The following PLCH2 variants were observed in gnomAD, a reference collection of about 807,000 sequenced individuals.
The protein encoded by PLCH2 is 1-phosphatidylinositol 4,5-bisphosphate phosphodiesterase eta-2.
Under a neutral mutation model 134.7 loss-of-function variants are expected in PLCH2, and 98 were observed. The ratio of observed to expected loss-of-function variants is 0.73; its 90% CI spans 0.62 to 0.86. The LOEUF is 0.86. Ranked by LOEUF, PLCH2 falls within the 40% of genes least tolerant of loss-of-function variation. PLCH2 has a pLI of 0.00. For missense variants in PLCH2, 1,994 were observed against 1,986.6 expected (o/e 1.00, Z -0.07); for synonymous variants, 974 against 827.5 (o/e 1.18, Z -3.04).
intron 10 of PLCH2, among the ~76,000 whole-genome samples, chr1:2,490,392 C>T (rs965282731): frequency 9.2e-5 from 14 of 152,314 alleles, no homozygotes; most frequent in Middle Eastern, 6.8e-3. Context: ...CAGCAGTCAC[C>T]TCCACAGAGC....
chr1:2,483,829 T>G (rs1642118913), intron 4 of PLCH2, among the ~76,000 whole-genome samples: 2 of 108,124 alleles, frequency 1.8e-5, no homozygotes, highest in East Asian at 3.6e-4. Flanking sequence ...CTGACCCCCG[T>G]GTGGGGGTGG....
In PLCH2 at chr1:2,504,059, T is replaced by G. The variant is rs1264485054; in HGVS notation, c.3097T>G (p.Tyr1033Asp). ...PTSSSQGRPP[Y>D]PTGPGANVAS... is the part of the protein sequence containing the mutation. Reference sequence around the variant, plus strand: ...CAGCTCTTCTCAGGGACGGCCCCCATACCCCACAGGACCCGGAGCCAATGT... The same window carrying G: ...CAGCTCTTCTCAGGGACGGCCCCCAGACCCCACAGGACCCGGAGCCAATGT... Residue 1033 changes from tyrosine (Y) to aspartate (D), a missense_variant, in exon 22 of 22, where the codon TAC becomes GAC. By Grantham distance (160) the Tyr-to-Asp change is radical. Transcript: ENST00000378486. 1 of 1,548,326 alleles carries G rather than the reference T, an allele frequency of 6.5e-7. No individual in the cohort carries two copies. The highest frequency in any genetic ancestry group is 1.4e-5 in the African/African-American group (1 of 72,800).
At chr1:2,468,500 C>T (rs767845195) in intron 1 of PLCH2, among the ~76,000 whole-genome samples, 2 of 98,382 alleles carry the variant, frequency 2.0e-5, no homozygotes, top group South Asian at 3.0e-4. Context: ...CCAAACACAG[C>T]GCTAGCTCTG....
chr1:2,433,861 G>C (rs1348374568), intron 2 of PLCH2, among the ~76,000 whole-genome samples: 2 of 152,226 alleles, frequency 1.3e-5, no homozygotes, highest in East Asian at 1.9e-4. Context: ...CTCCCTCCAC[G>C]GATGTGCCCA....
At position 2,441,556 on chromosome 1, in the gene PLCH2, C is replaced by T. The variant is rs140305980; in HGVS notation, c.115+10927C>T. Among the ~76,000 whole-genome samples, 9 of 152,346 alleles carry T rather than the reference C, an allele frequency of 5.9e-5. No homozygotes were observed. The East Asian group carries it at 1.7e-3, about 29-fold the overall frequency. ...CTGAGTCCACTCTCACTTTGGGATCCCAGACCAGCTGATGCTGTCACGGTG... is the reference window on the plus strand; with the variant it reads ...CTGAGTCCACTCTCACTTTGGGATCTCAGACCAGCTGATGCTGTCACGGTG... On this transcript the variant is annotated intron_variant, in intron 2 of 3. Coordinates refer to the PLCH2 transcript ENST00000609981.
At position 2,479,535 on chromosome 1, in the gene PLCH2, A is replaced by T. The variant is rs987086351; in HGVS notation, c.272-199A>T. 5.3e-6 allele frequency: 3 copies of T among 562,970 alleles called. No homozygotes were observed. In the Admixed American group the frequency reaches 9.3e-5, roughly 17 times the overall value. 34.9% of individuals were successfully genotyped at this position (562,970 alleles called of 1,614,324 possible). ...ACAGGAAAGGGAAAGGGGGAGGGAC[A>T]CGGGTCAGCAGTGGGGGGCTGTGCA... On this transcript the variant is annotated intron_variant, in intron 2 of 21. Coordinates refer to ENST00000378486, the MANE Select transcript of PLCH2 (RefSeq NM_014638.4).
chr1:2,480,866 ACT>A (rs959706835), intron 4 of PLCH2, among the ~76,000 whole-genome samples: 1 of 151,990 alleles, frequency 6.6e-6, no homozygotes, highest in African/African-American at 2.4e-5. Context: ...GGGGAGAGAA[ACT>A]CTGCCCGTCA....
rs79733537 is a variant in PLCH2, at chr1:2,476,671, G to C, written c.83G>C (p.Gly28Ala). ...GCGGAGGTACTCCTCTGGGTTGGAG[G>C]GAGTGTGGTGCTGTCTTCAGAGTGG... ...WLAEVLLWVG[G>A]SVVLSSEWQL... The change falls in exon 1 of 22, where the codon GGG becomes GCG. Residue 28 changes from glycine (G) to alanine (A), a missense_variant. By Grantham distance (60) the Gly-to-Ala change is moderately conservative. Transcript: ENST00000378486. The C allele has an allele frequency of 2.3e-3, 3,662 of 1,610,838 alleles. 147 individuals carry two copies. The East Asian group carries it at 0.075, about 33-fold the overall frequency.
chr1:2,504,091 C>G lies in PLCH2; in HGVS notation c.3129C>G (p.Ser1043Arg). ...CAGGACCCGGAGCCAATGTGGCAAGCCCCCTAGAGGACACTGAGGAGCCCC... is the reference window on the plus strand; with the variant it reads ...CAGGACCCGGAGCCAATGTGGCAAGGCCCCTAGAGGACACTGAGGAGCCCC... ...YPTGPGANVASPLEDTEEPRD... is the reference protein window; with the variant it reads ...YPTGPGANVARPLEDTEEPRD... The change falls in exon 22 of 22, where the codon AGC (serine) becomes AGG (arginine). Residue 1043 changes from serine to arginine, a missense_variant. Physicochemically the swap from Ser to Arg is moderately radical, Grantham distance 110. Coordinates refer to ENST00000378486, the MANE Select transcript of PLCH2 (RefSeq NM_014638.4). 1 of 1,544,010 alleles carries G rather than the reference C, an allele frequency of 6.5e-7. No individual in the cohort carries two copies. Among genetic ancestry groups the G allele is most frequent in the Non-Finnish European group, 8.7e-7 (1 of 1,145,120 alleles).
chr1:2,497,647 G>T lies in PLCH2; in HGVS notation c.2224+38G>T, dbSNP rs766350963. 3.7e-6 allele frequency: 5 copies of T among 1,334,264 alleles called. No individual in the cohort carries two copies. In the South Asian group the frequency reaches 6.4e-5, roughly 17 times the overall value. 82.7% of individuals were successfully genotyped at this position (1,334,264 alleles called of 1,614,324 possible). A position where few individuals can be genotyped will look rare whatever the true frequency, so the allele number is the denominator to read the frequency against. On this transcript the variant is annotated intron_variant, in intron 16 of 21. Transcript: ENST00000378486. ...GACACTCAGGGCTCGGACGCTCAGG[G>T]CTCGGATGGGCCTCCTGGGTGTCCC...
At chr1:2,499,036 G>A (rs575880372) in intron 18 of PLCH2, 48 bp from the exon 19 acceptor site, 1 of 1,580,216 alleles carries the variant, frequency 6.3e-7, no homozygotes, top group South Asian at 1.2e-5. Context: ...GAGCGGTGCT[G>A]GGCCGGGCCC....
At chr1:2,494,463 G>A (rs571470917) in intron 11 of PLCH2, 51 of 319,342 alleles carry the variant, frequency 1.6e-4, no homozygotes, top group Non-Finnish European at 1.9e-4. Flanking sequence ...AAAGGGTTGC[G>A]CAAGCAGGCC....
At chr1:2,464,282 T>C (rs1304083326), upstream of PLCH2, among the ~76,000 whole-genome samples, 1 of 152,214 alleles carries the variant, frequency 6.6e-6, no homozygotes, top group Non-Finnish European at 1.5e-5. Context: ...GTCTTCCCGA[T>C]GTGCATCTCC....
In PLCH2 at chr1:2,476,469, C is replaced by T; in HGVS notation, c.-120C>T. 1.1e-6 allele frequency: 1 copy of T among 951,518 alleles called. No individual in the cohort carries two copies. The highest frequency in any genetic ancestry group is 1.5e-6 in the Non-Finnish European group (1 of 665,712). 58.9% of individuals were successfully genotyped at this position (951,518 alleles called of 1,614,324 possible). On this transcript the variant is annotated 5_prime_UTR_variant, in exon 1 of 22. Coordinates refer to ENST00000378486, the MANE Select transcript of PLCH2 (RefSeq NM_014638.4). ...GGCCCTGAGGAGGAGGAGGAAGAGG[C>T]AGAGGAGAGAAGGCCCCACGGAGGT...
chr1:2,435,801 T>G (rs982856582), intron 2 of PLCH2, among the ~76,000 whole-genome samples: 1 of 141,898 alleles, frequency 7.0e-6, no homozygotes, highest in African/African-American at 2.8e-5. Context: ...CAGCTCAGTC[T>G]GGAGTGAGCC....
At chr1:2,491,061 A>T (rs1570451286) in intron 10 of PLCH2, 131 bp from the exon 11 acceptor site, 2 of 839,716 alleles carry the variant, frequency 2.4e-6, no homozygotes, top group East Asian at 2.7e-5. Flanking sequence ...GGCTGCCTGC[A>T]GGCCCTGAGG....
Position 2,504,142 on chromosome 1 carries a change from CG to C in PLCH2, c.3182del (p.Gly1061AlafsTer30). The C allele has an allele frequency of 6.6e-7, 1 of 1,519,852 alleles. No individual in the cohort carries two copies. The highest frequency in any genetic ancestry group is 8.8e-7 in the Non-Finnish European group (1 of 1,135,376). The allele number at this position is 1,519,852 out of a possible 1,614,324, so 94.1% of individuals were successfully genotyped here. A position where few individuals can be genotyped will look rare whatever the true frequency, so the allele number is the denominator to read the frequency against. ...PRDSRPRPCN[G>X]EGAGGAYERA... ...GAGACAGCAGGCCTCGGCCGTGCAA[CG>C]GCGAGGGCGCCGGCGGGGCATACGA... On this transcript the variant is annotated frameshift_variant, in exon 22 of 22. Coordinates refer to ENST00000378486, the MANE Select transcript of PLCH2 (RefSeq NM_014638.4). LOFTEE classifies it high-confidence loss of function.
intron 2 of PLCH2, among the ~76,000 whole-genome samples, chr1:2,437,381 G>T (rs1413835007): frequency 6.6e-6 from 1 of 152,094 alleles, no homozygotes; most frequent in Non-Finnish European, 1.5e-5. Flanking sequence ...TGGCCAGCTG[G>T]ACAGCTCTGC....
Position 2,479,843 on chromosome 1 carries a change from C to T in PLCH2, c.381C>T (p.Gly127=), listed in dbSNP as rs1261354729. The T allele has an allele frequency of 6.2e-7, 1 of 1,609,664 alleles. No homozygotes were observed. Among genetic ancestry groups the T allele is most frequent in the Admixed American group, 1.7e-5 (1 of 59,640 alleles). ...ACTGCTGCTTCAGCATCTACCACGG[C>T]AGCCACCGCGAGTCGCTGGACCTGG... ...DPNCCFSIYH[G]SHRESLDLVS... Residue 127 remains glycine, a synonymous_variant, in exon 3 of 22, where the codon GGC becomes GGT. Coordinates refer to ENST00000378486, the MANE Select transcript of PLCH2 (RefSeq NM_014638.4).
Sources: gnomAD v4.1 joint callset for allele counts (sites outside exome capture counted in the v4.1 genomes callset) on GRCh38, gnomAD v4.1.1 for gene constraint, MANE v1.5 for transcripts, NCBI Gene and HGNC (gene_info 2026-07-23, HGNC 2026-07-21) for gene names.